The following ANKFN1 variants were observed in gnomAD, a reference collection of about 807,000 sequenced individuals.
ANKFN1 encodes ankyrin repeat and fibronectin type III domain containing 1.
A neutral mutation model predicts 108.7 loss-of-function variants in ANKFN1; 74 were observed. The observed-to-expected ratio is 0.68, with a 90% CI of 0.56 to 0.83. The LOEUF (loss-of-function observed/expected upper bound fraction) is 0.83. Ranked by LOEUF, ANKFN1 falls within the 40% of genes least tolerant of loss-of-function variation. The pLI is 0.00. For missense variants in ANKFN1, 1,505 were observed against 1,382.3 expected (o/e 1.09, Z -1.41); for synonymous variants, 547 against 516.2 (o/e 1.06, Z -0.81).
chr17:56,484,537 T>C (rs997996731), intron 18 of ANKFN1, among the ~76,000 whole-genome samples: 7 of 151,928 alleles, frequency 4.6e-5, no homozygotes, highest in African/African-American at 1.7e-4. Context: ...GGGGAAAAAA[T>C]GGTTTGCTGA....
chr17:56,184,362 G>T (rs1278990189), intron 1 of ANKFN1, among the ~76,000 whole-genome samples: 2 of 152,160 alleles, frequency 1.3e-5, no homozygotes, highest in Non-Finnish European at 2.9e-5. Context: ...ACTCAGAGAT[G>T]ATTGTATGCA....
At chr17:56,109,151 GTATT>G in intron 4 of ANKFN1, among the ~76,000 whole-genome samples, 1 of 152,168 alleles carries the variant, frequency 6.6e-6, no homozygotes, top group African/African-American at 2.4e-5. Flanking sequence ...ATCTACCACT[GTATT>G]TATCAGTCAG....
intron 8 of ANKFN1, among the ~76,000 whole-genome samples, chr17:56,398,430 C>T (rs2047651684): frequency 6.6e-6 from 1 of 152,080 alleles, no homozygotes; most frequent in African/African-American, 2.4e-5. Context: ...AACTATATGA[C>T]CTTGAGTACA....
At chr17:56,459,811 C>G (rs568176091) in intron 14 of ANKFN1, among the ~76,000 whole-genome samples, 10 of 152,218 alleles carry the variant, frequency 6.6e-5, no homozygotes, top group African/African-American at 2.2e-4. Context: ...CAGTGTGACC[C>G]TACTCAACTA....
At chr17:56,341,438 A>G (rs2192211) in intron 4 of ANKFN1, among the ~76,000 whole-genome samples, 75,751 of 151,822 alleles carry the variant, frequency 0.5, 19,280 homozygotes, top group Middle Eastern at 0.57. Flanking sequence ...GTTGGCTGTG[A>G]GTTTGTCATA....
chr17:56,489,495 T>C (rs1041279760), intron 18 of ANKFN1, among the ~76,000 whole-genome samples: 1 of 149,520 alleles, frequency 6.7e-6, no homozygotes, highest in African/African-American at 2.5e-5. Context: ...AACTGAAGCG[T>C]TATAGTTGAA....
intron 8 of ANKFN1, among the ~76,000 whole-genome samples, chr17:56,385,122 A>G (rs1057299095): frequency 9.9e-5 from 15 of 151,430 alleles, no homozygotes; most frequent in Admixed American, 6.6e-4. Flanking sequence ...CAAAACAGAG[A>G]TATAGATCAA....
At chr17:56,241,351 T>C (rs1917565638) in intron 3 of ANKFN1, among the ~76,000 whole-genome samples, 1 of 152,138 alleles carries the variant, frequency 6.6e-6, no homozygotes, top group African/African-American at 2.4e-5. Context: ...GGGGTCTAAC[T>C]TTATATTTTT....
At chr17:56,507,382 A>G (rs892498291) in intron 20 of ANKFN1, among the ~76,000 whole-genome samples, 2 of 152,124 alleles carry the variant, frequency 1.3e-5, no homozygotes, top group African/African-American at 2.4e-5. Context: ...CTCTGAGGAC[A>G]ATGTGTCCTT....
chr17:56,337,722 A>G (rs2045852192), intron 4 of ANKFN1, among the ~76,000 whole-genome samples: 1 of 152,238 alleles, frequency 6.6e-6, no homozygotes, highest in Non-Finnish European at 1.5e-5. Flanking sequence ...ATCACTGGTC[A>G]TCAGAGAAAT....
At chr17:56,189,686 A>T (rs2143684029) in intron 1 of ANKFN1, among the ~76,000 whole-genome samples, 1 of 152,316 alleles carries the variant, frequency 6.6e-6, no homozygotes, top group East Asian at 1.9e-4. Flanking sequence ...ACTATCTGCA[A>T]AGTCCCTTTT....
chr17:56,510,714 C>G lies in ANKFN1; in HGVS notation c.2886C>G (p.Pro962=), dbSNP rs1450339051. The G allele has an allele frequency of 6.5e-7, 1 of 1,536,154 alleles. No individual in the cohort carries two copies. The highest frequency in any genetic ancestry group is 1.4e-5 in the African/African-American group (1 of 73,182). ...GQDPQGEGPN[P]DHSCAEFLHS... is the part of the protein sequence containing the mutation. Reference sequence around the variant, plus strand: ...ATCCCCAGGGCGAGGGCCCAAATCCCGATCACTCATGTGCCGAGTTTCTCC... The same window carrying G: ...ATCCCCAGGGCGAGGGCCCAAATCCGGATCACTCATGTGCCGAGTTTCTCC... The change falls in exon 21 of 21, where the codon CCC becomes CCG. Residue 962 remains proline, a synonymous_variant. Transcript: ENST00000682825.
intron 19 of ANKFN1, among the ~76,000 whole-genome samples, chr17:56,495,313 G>GTCTCTCTCTCTCTCTCTCTCTCTC (rs150627971): frequency 2.0e-5 from 3 of 147,476 alleles, no homozygotes; most frequent in Non-Finnish European, 3.0e-5. Context: ...TGACTTTGTG[G>GTCTCTCTCTCTCTCTCTCTCTCTC]TCTCTCTCTC....
chr17:56,199,209 T>G (rs1370672356), intron 1 of ANKFN1, among the ~76,000 whole-genome samples: 1 of 152,014 alleles, frequency 6.6e-6, no homozygotes, highest in African/African-American at 2.4e-5. Flanking sequence ...TTATGTTTTT[T>G]GTTGATAATC....
chr17:56,405,278 T>A (rs1168057780), intron 8 of ANKFN1, among the ~76,000 whole-genome samples: 1 of 152,268 alleles, frequency 6.6e-6, no homozygotes, highest in African/African-American at 2.4e-5. Flanking sequence ...CCTAAGCATA[T>A]AAAAAGATGT....
chr17:56,296,847 T>C (rs921666309), intron 3 of ANKFN1, among the ~76,000 whole-genome samples: 2 of 152,224 alleles, frequency 1.3e-5, no homozygotes, highest in Admixed American at 6.5e-5. Flanking sequence ...AAAGTAATAG[T>C]GCTGAACTCC....
intron 5 of ANKFN1, 37 bp from the exon 6 acceptor site, chr17:56,353,799 T>A: frequency 6.3e-7 from 1 of 1,595,754 alleles, no homozygotes; most frequent in South Asian, 1.1e-5. Flanking sequence ...CACACTGGTT[T>A]AAGAAATTGT....
intron 11 of ANKFN1, among the ~76,000 whole-genome samples, chr17:56,451,348 T>A (rs182593490): frequency 1.3e-5 from 2 of 152,140 alleles, no homozygotes; most frequent in Admixed American, 6.5e-5. Context: ...ATAAATTACC[T>A]CATACACACA....
At chr17:56,295,052 T>C (rs1190327930) in intron 3 of ANKFN1, among the ~76,000 whole-genome samples, 3 of 152,218 alleles carry the variant, frequency 2.0e-5, no homozygotes, top group Non-Finnish European at 4.4e-5. Context: ...TCTTTTCCCA[T>C]TATTGACAAA....
Sources: gnomAD v4.1 joint callset for allele counts (sites outside exome capture counted in the v4.1 genomes callset) on GRCh38, gnomAD v4.1.1 for gene constraint, MANE v1.5 for transcripts, NCBI Gene and HGNC (gene_info 2026-07-23, HGNC 2026-07-21) for gene names.